Variants in FBF1 observed in about 807,000 individuals in gnomAD.
The protein encoded by FBF1 is Fas binding factor 1.
A neutral mutation model predicts 147.2 loss-of-function variants in FBF1; 119 were observed. That is an observed-to-expected ratio of 0.81 (90% CI 0.70 to 0.94). The LOEUF (loss-of-function observed/expected upper bound fraction) is 0.94, where lower values mean the gene tolerates loss of function less well. Among genes scored for constraint, FBF1 ranks in the 40% least tolerant of loss-of-function variants. The pLI is 0.00. For synonymous variants in FBF1, 601 were observed against 609.0 expected, an observed-to-expected ratio of 0.99 and a Z score of 0.19; for missense variants, 1,449 against 1,500.8, an observed-to-expected ratio of 0.97 and a Z score of 0.57.
In FBF1 at chr17:75,919,802, C is replaced by G. The variant is rs1447838246; in HGVS notation, c.2004G>C (p.Leu668=). Residue 668 remains leucine (L), a synonymous_variant, in exon 20 of 30, where the codon CTG becomes CTC. Transcript: ENST00000636174. The surrounding 1 kb of genome is among the most constrained non-coding windows in gnomAD (Gnocchi z 5.0). The part of the protein sequence containing the change: ...EERLRRENEE[L]SARYLSQCQE... ...GGCACTGCGACAGATACCGAGCTGA[C>G]AGCTCTTCGTTCTCTCTCCGGAGCC... 2 of 1,613,650 alleles carry G rather than the reference C, an allele frequency of 1.2e-6. No homozygotes were observed. The highest frequency in any genetic ancestry group is 1.7e-6 in the Non-Finnish European group (2 of 1,179,886).
At position 75,927,469 on chromosome 17, in the gene FBF1, C is replaced by T; in HGVS notation, c.461G>A (p.Arg154Lys). The T allele has an allele frequency of 6.3e-7, 1 of 1,596,974 alleles. No homozygotes were observed. Residue 154 changes from arginine (R) to lysine (K), a missense_variant, in exon 9 of 30, where the codon AGG becomes AAG. Coordinates refer to ENST00000636174, the MANE Select transcript of FBF1 (RefSeq NM_001319193.2). ...SPSSSGHQNR[R>K]FSSEDLEDPL... ...GCCTATGGTACCTTCAGAGGAAAAC[C>T]TCCTGTTCTGATGCCCAGAGCTGCT...
chr17:75,931,292 G>A lies in FBF1; in HGVS notation c.168-3C>T. 7 of 1,580,542 alleles carry A rather than the reference G, an allele frequency of 4.4e-6. No individual in the cohort carries two copies. The highest frequency in any genetic ancestry group is 6.0e-6 in the Non-Finnish European group (7 of 1,163,474). On this transcript the variant is annotated splice_region_variant and splice_polypyrimidine_tract_variant and intron_variant, in intron 5 of 29. Transcript: ENST00000636174. ...AGACATCATCACCCAGGAGGGACCT[G>A]CAAAGGGGAGGCGTCAGCCCCTACC...
Position 75,921,281 on chromosome 17 carries a change from C to T in FBF1, c.1637G>A (p.Ser546Asn). ...GGAAGGCTCTGTGGGTTTCTGGGTG[C>T]TCGGGAAACACGTGGCAGGCTCTGA... ...SATEPATCFP[S>N]TQKPTEPSVP... The change falls in exon 17 of 30, where the codon AGC becomes AAC. Residue 546 changes from serine (S) to asparagine (N), a missense_variant. Physicochemically the swap from Ser to Asn is conservative, Grantham distance 46 (BLOSUM62 1). Coordinates refer to ENST00000636174, the MANE Select transcript of FBF1 (RefSeq NM_001319193.2). The T allele has an allele frequency of 6.3e-7, 1 of 1,593,774 alleles. No individual in the cohort carries two copies. Among genetic ancestry groups the T allele is most frequent in the Non-Finnish European group, 8.5e-7 (1 of 1,170,146 alleles).
chr17:75,912,233 G>C lies in FBF1; in HGVS notation c.3322C>G (p.Leu1108Val). 2 of 1,611,396 alleles carry C rather than the reference G, an allele frequency of 1.2e-6. No individual in the cohort carries two copies. The highest frequency in any genetic ancestry group is 1.7e-6 in the Non-Finnish European group (2 of 1,179,294). ...PTGLDPSPLH[L>V]HARLALLRHM... ...CTCAGCAGTGCCAGCCTGGCATGGA[G>C]GTGCAAGGGGCTGGGGTCCAGGCCA... Residue 1108 changes from leucine (L) to valine (V), a missense_variant, in exon 29 of 30, where the codon CTC (leucine) becomes GTC (valine). By Grantham distance (32) the Leu-to-Val change is conservative (BLOSUM62 1). Coordinates refer to ENST00000636174, the MANE Select transcript of FBF1 (RefSeq NM_001319193.2).
chr17:75,933,228 A>AC, intron 4 of FBF1, 140 bp from the exon 5 acceptor site: 1 of 564,986 alleles, frequency 1.8e-6, no homozygotes, highest in Non-Finnish European at 3.1e-6. Flanking sequence ...TCCCAATGTC[A>AC]CCCCTTGGAA....
At chr17:75,924,087 G>A (rs559461445) in intron 13 of FBF1, among the ~76,000 whole-genome samples, 38 of 152,126 alleles carry the variant, frequency 2.5e-4, no homozygotes, top group East Asian at 1.2e-3. Flanking sequence ...GGTGGTGGGC[G>A]CCTGTAATCC....
At chr17:75,939,938 CAT>C (rs2065650775) in intron 1 of FBF1, 3 of 152,150 alleles carry the variant, frequency 2.0e-5, no homozygotes, top group African/African-American at 7.2e-5. Context: ...ACCCTGAATA[CAT>C]GTGTTTTCTT....
Position 75,913,996 on chromosome 17 carries a change from C to A in FBF1, c.3046G>T (p.Val1016Leu). The A allele has an allele frequency of 6.4e-7, 1 of 1,574,528 alleles. No individual in the cohort carries two copies. Among genetic ancestry groups the A allele is most frequent in the Non-Finnish European group, 8.6e-7 (1 of 1,167,368 alleles). ...AACCGGGCCTGCTGCTCTGCCTGCA[C>A]CTGCTGGGCCTCGCGCAATGCCCGC... ...GERALREAQQ[V>L]QAEQQARLQA... Residue 1016 changes from valine to leucine, a missense_variant, in exon 27 of 30, where the codon GTG (valine) becomes TTG (leucine). Coordinates refer to ENST00000636174, the MANE Select transcript of FBF1 (RefSeq NM_001319193.2).
Position 75,918,525 on chromosome 17 carries a change from T to A in FBF1, c.2139-256A>T, listed in dbSNP as rs1439863713. Reference sequence around the variant, plus strand: ...GAGTTTTGCTCTGTCACCCAGAGTCTCTCACTCTGTCGCCCAGGCTGGAGT... The same window carrying A: ...GAGTTTTGCTCTGTCACCCAGAGTCACTCACTCTGTCGCCCAGGCTGGAGT... On this transcript the variant is annotated intron_variant, in intron 20 of 29. Coordinates refer to ENST00000636174, the MANE Select transcript of FBF1 (RefSeq NM_001319193.2). The surrounding 1 kb of genome is among the most constrained non-coding windows in gnomAD (Gnocchi z 5.8). Among the ~76,000 whole-genome samples the A allele has an allele frequency of 6.6e-6, 1 of 152,204 alleles. No individual in the cohort carries two copies. Among genetic ancestry groups the A allele is most frequent in the Admixed American group, 6.5e-5 (1 of 15,276 alleles).
rs760392302 is a variant in FBF1 at position 75,919,739 on chromosome 17, C to T, written c.2067G>A (p.Gln689=). The T allele has an allele frequency of 1.9e-6, 3 of 1,613,198 alleles. No homozygotes were observed. Among genetic ancestry groups the T allele is most frequent in the Non-Finnish European group, 2.5e-6 (3 of 1,179,884 alleles). Residue 689 remains glutamine, a synonymous_variant, in exon 20 of 30, where the codon CAG becomes CAA. Transcript: ENST00000636174. This position sits in a 1 kb window ranked among gnomAD's most constrained non-coding sequence, Gnocchi z 5.0. ...AEQARAELTA[Q]HQRRLAAIAQ... is the part of the protein sequence containing the mutation. ...CTATGGCCGCCAAGCGCCGCTGGTG[C>T]TGGGCCGTAAGCTCAGCACGGGCCT...
intron 6 of FBF1, 151 bp downstream of exon 6, chr17:75,931,078 G>T: frequency 1.3e-6 from 1 of 753,724 alleles, no homozygotes. Flanking sequence ...CTGAGCAACA[G>T]AGGGAGACTC....
rs773552398 is a variant in FBF1 at position 75,922,013 on chromosome 17, G to A, written c.1458C>T (p.His486=). ...TTCCAGAACTCCCTCCAGCAGCTGC[G>A]TGCTCAAGCCCTTGTGTGCTGGTGA... ...QPLTSTQGLE[H]AAAGGSSGTT... is the part of the protein sequence containing the mutation. Residue 486 remains histidine (H), a synonymous_variant, in exon 15 of 30, where the codon CAC becomes CAT. Transcript: ENST00000636174. The surrounding 1 kb of genome is among the most constrained non-coding windows in gnomAD (Gnocchi z 5.0). 1.4e-5 allele frequency: 21 copies of A among 1,551,826 alleles called. No homozygotes were observed. Among genetic ancestry groups the A allele is most frequent in the East Asian group, 9.8e-5 (4 of 40,930 alleles).
intron 13 of FBF1, among the ~76,000 whole-genome samples, chr17:75,924,086 CG>C (rs1359529906): frequency 2.0e-5 from 3 of 151,890 alleles, no homozygotes; most frequent in African/African-American, 7.3e-5. Flanking sequence ...TGGTGGTGGG[CG>C]CCTGTAATCC....
intron 17 of FBF1, among the ~76,000 whole-genome samples, chr17:75,920,830 TGGGGG>T (rs34022293): frequency 8.3e-6 from 1 of 120,450 alleles, no homozygotes; most frequent in Non-Finnish European, 1.9e-5. Flanking sequence ...GACACACTCC[TGGGGG>T]GGGGGGGGGC....
chr17:75,917,610 G>C, intron 23 of FBF1, 122 bp downstream of exon 23: 1 of 852,444 alleles, frequency 1.2e-6, no homozygotes, highest in Non-Finnish European at 1.8e-6. Context: ...GGCAGGAAGC[G>C]GCAGGTGGGG....
Position 75,921,308 on chromosome 17 carries a change from ACAT to A in FBF1, c.1616-9_1616-7del. 2 of 1,586,822 alleles carry A rather than the reference ACAT, an allele frequency of 1.3e-6. No individual in the cohort carries two copies. Among genetic ancestry groups the A allele is most frequent in the South Asian group, 1.1e-5 (1 of 87,104 alleles). Reference sequence around the variant, plus strand: ...CGGGAAACACGTGGCAGGCTCTGAAACATCAACAACAGAGAAATGAACAGGAGG... The same window carrying A: ...CGGGAAACACGTGGCAGGCTCTGAAACAACAACAGAGAAATGAACAGGAGG... On this transcript the variant is annotated splice_polypyrimidine_tract_variant and splice_region_variant and intron_variant, in intron 16 of 29. Coordinates refer to ENST00000636174, the MANE Select transcript of FBF1 (RefSeq NM_001319193.2).
intron 8 of FBF1, among the ~76,000 whole-genome samples, chr17:75,927,837 T>C (rs2065571450): frequency 6.6e-6 from 1 of 152,152 alleles, no homozygotes; most frequent in African/African-American, 2.4e-5. Flanking sequence ...GAGCTGCCCA[T>C]GTTGGACCCA....
chr17:75,929,945 A>AGGGGGCCCCCCCCCCCCCC, intron 7 of FBF1, 52 bp downstream of exon 7: 4 of 650,884 alleles, frequency 6.1e-6, no homozygotes, highest in Non-Finnish European at 1.1e-5. Context: ...AAATATCATG[A>AGGGGGCCCCCCCCCCCCCC]CCCCACCCCA....
chr17:75,922,561 C>T lies in FBF1; in HGVS notation c.1425-515G>A, dbSNP rs1356797498. 1.3e-5 allele frequency among the ~76,000 whole-genome samples: 2 copies of T among 152,146 alleles called. No homozygotes were observed. The highest frequency in any genetic ancestry group is 2.9e-5 in the Non-Finnish European group (2 of 68,018). On this transcript the variant is annotated intron_variant, in intron 14 of 29. Transcript: ENST00000636174. This position sits in a 1 kb window ranked among gnomAD's most constrained non-coding sequence, Gnocchi z 5.0. ...ATCAACCCCAGGACAGGGTGATGTCCCTGGGCTGTCACAAATTGCCCAGTT... is the reference window on the plus strand; with the variant it reads ...ATCAACCCCAGGACAGGGTGATGTCTCTGGGCTGTCACAAATTGCCCAGTT...
Sources: allele counts gnomAD v4.1 joint callset (sites outside exome capture counted in the v4.1 genomes callset), GRCh38; gene constraint gnomAD v4.1.1; non-coding constraint Gnocchi (gnomAD v3.1); transcripts MANE v1.5; gene names NCBI Gene and HGNC (gene_info 2026-07-23, HGNC 2026-07-21).